The following HIVEP1 variants were observed in gnomAD, a reference collection of about 807,000 sequenced individuals.
HIVEP1 encodes the protein zinc finger protein 40.
HIVEP1 carries 36 observed loss-of-function variants against 180.0 expected under a neutral mutation model. The ratio of observed to expected loss-of-function variants is 0.20; its 90% confidence interval spans 0.15 to 0.26. The LOEUF (loss-of-function observed/expected upper bound fraction) is 0.26, where lower values mean the gene tolerates loss of function less well. Ranked by LOEUF, HIVEP1 falls within the 10% of genes least tolerant of loss-of-function variation. HIVEP1 has a pLI of 1.00. For missense variants in HIVEP1, 3,143 were observed against 3,268.7 expected, an observed-to-expected ratio of 0.96 and a Z score of 0.94; for synonymous variants, 1,239 against 1,239.0, an observed-to-expected ratio of 1.00 and a Z score of 0.00.
intron 2 of HIVEP1, among the ~76,000 whole-genome samples, chr6:12,029,334 C>T (rs909885635): frequency 6.6e-6 from 1 of 152,222 alleles, no homozygotes; most frequent in South Asian, 2.1e-4. Flanking sequence ...GCCACTGTTG[C>T]AGGTGTGTCT....
intron 2 of HIVEP1, among the ~76,000 whole-genome samples, chr6:12,083,777 A>G (rs1481673178): frequency 6.6e-6 from 1 of 152,200 alleles, no homozygotes; most frequent in Non-Finnish European, 1.5e-5. Context: ...CATTTGGGAC[A>G]TTATTTAACT....
chr6:12,045,707 T>C (rs999947844), intron 2 of HIVEP1, among the ~76,000 whole-genome samples: 11 of 152,246 alleles, frequency 7.2e-5, no homozygotes, highest in Admixed American at 3.9e-4. Context: ...ATGGTGATTT[T>C]AGCACATAAA....
At chr6:12,074,176 C>T (rs926585136) in intron 2 of HIVEP1, among the ~76,000 whole-genome samples, 1 of 152,204 alleles carries the variant, frequency 6.6e-6, no homozygotes, top group Non-Finnish European at 1.5e-5. Context: ...CTGCCTTACT[C>T]AAAAGTTGGC....
intron 2 of HIVEP1, among the ~76,000 whole-genome samples, chr6:12,022,477 A>G (rs1768304728): frequency 6.6e-6 from 1 of 152,152 alleles, no homozygotes; most frequent in African/African-American, 2.4e-5. Flanking sequence ...GCCCATATAC[A>G]GGATTTTTAT....
upstream of HIVEP1, chr6:12,008,333 A>C (rs919576840): frequency 6.6e-6 from 1 of 152,206 alleles, no homozygotes; most frequent in Non-Finnish European, 1.5e-5. Flanking sequence ...CTGAGATCTA[A>C]AACCCGAACA....
At chr6:12,104,657 T>G (rs6907440) in intron 3 of HIVEP1, among the ~76,000 whole-genome samples, 9,912 of 152,052 alleles carry the variant, frequency 0.065, 380 homozygotes, top group Middle Eastern at 0.15. Flanking sequence ...GTCTTGAACT[T>G]CTGGCCTCAA....
chr6:12,166,024 A>T (rs1259196912), downstream of HIVEP1, among the ~76,000 whole-genome samples: 5 of 152,212 alleles, frequency 3.3e-5, no homozygotes, highest in African/African-American at 1.2e-4. Context: ...TAAGTAACAA[A>T]ATTCTCTCAA....
chr6:12,146,448 AAATAAT>A (rs933803576), intron 7 of HIVEP1, among the ~76,000 whole-genome samples: 8 of 152,230 alleles, frequency 5.3e-5, no homozygotes, highest in South Asian at 2.1e-4. Flanking sequence ...CATCTCAAAA[AAATAAT>A]AATAATAGTA....
At chr6:12,158,986 A>C (rs1760230162) in intron 7 of HIVEP1, among the ~76,000 whole-genome samples, 1 of 152,092 alleles carries the variant, frequency 6.6e-6, no homozygotes, top group African/African-American at 2.4e-5. Context: ...GTGAGAATGT[A>C]ACCCTCAGAG....
At chr6:12,203,711 A>G in the HIVEP1 span, among the ~76,000 whole-genome samples, 1 of 152,198 alleles carries the variant, frequency 6.6e-6, no homozygotes, top group East Asian at 1.9e-4. Flanking sequence ...ATCACTGAGG[A>G]TAGAAAATGT....
chr6:12,097,383 A>G (rs1773844911), intron 3 of HIVEP1, among the ~76,000 whole-genome samples: 1 of 151,804 alleles, frequency 6.6e-6, no homozygotes. Context: ...GGAGCCCGCA[A>G]GCTTTAACCC....
the HIVEP1 span, among the ~76,000 whole-genome samples, chr6:12,195,488 AC>A: frequency 2.0e-5 from 3 of 152,262 alleles, no homozygotes; most frequent in Non-Finnish European, 2.9e-5. Flanking sequence ...AATTAAAAAA[AC>A]AATCTTCCAA....
At chr6:12,201,665 T>C in the HIVEP1 span, among the ~76,000 whole-genome samples, 2 of 152,244 alleles carry the variant, frequency 1.3e-5, no homozygotes, top group African/African-American at 4.8e-5. Context: ...TCTTCTTCTC[T>C]TTTGATCCTA....
At chr6:12,081,364 T>C (rs779534856) in intron 2 of HIVEP1, among the ~76,000 whole-genome samples, 25 of 152,212 alleles carry the variant, frequency 1.6e-4, no homozygotes, top group Non-Finnish European at 2.6e-4. Flanking sequence ...TACTAGTCTC[T>C]GTAGCCCCTT....
intron 7 of HIVEP1, among the ~76,000 whole-genome samples, chr6:12,140,668 G>GT: frequency 6.6e-6 from 1 of 152,294 alleles, no homozygotes; most frequent in East Asian, 1.9e-4. Flanking sequence ...GTGTAGAGAA[G>GT]ACCTTAAATG....
At chr6:12,059,124 T>C (rs1771064933) in intron 2 of HIVEP1, among the ~76,000 whole-genome samples, 1 of 152,160 alleles carries the variant, frequency 6.6e-6, no homozygotes, top group Admixed American at 6.5e-5. Context: ...TGTTCCAGGC[T>C]ATTTCAATTG....
the HIVEP1 span, among the ~76,000 whole-genome samples, chr6:12,174,886 GTAATT>G: frequency 0.32 from 48,525 of 151,680 alleles, 8,835 homozygotes; most frequent in East Asian, 0.47. Flanking sequence ...GATTTGTAAT[GTAATT>G]TAAGTGATTT....
intron 3 of HIVEP1, among the ~76,000 whole-genome samples, chr6:12,091,288 A>G (rs984949434): frequency 5.9e-5 from 9 of 152,110 alleles, no homozygotes; most frequent in Non-Finnish European, 7.4e-5. Context: ...TCTCTTTTTC[A>G]TTGTTTTTCT....
chr6:12,139,928 C>T (rs1581767498), intron 7 of HIVEP1, among the ~76,000 whole-genome samples: 1 of 152,234 alleles, frequency 6.6e-6, no homozygotes, highest in Non-Finnish European at 1.5e-5. Flanking sequence ...GAGCAAAAGA[C>T]AGCAGAAACT....
Sources: allele counts gnomAD v4.1 joint callset (sites outside exome capture counted in the v4.1 genomes callset), GRCh38; gene constraint gnomAD v4.1.1; transcripts MANE v1.5; gene names NCBI Gene and HGNC (gene_info 2026-07-23, HGNC 2026-07-21).